Variants in CPNE4 observed in about 807,000 individuals in gnomAD.
The protein encoded by CPNE4 is copine-4.
In CPNE4, 25 loss-of-function variants were observed where a neutral mutation model predicts 67.9. The ratio of observed to expected loss-of-function variants is 0.37; its 90% CI spans 0.27 to 0.51. The LOEUF (loss-of-function observed/expected upper bound fraction) is 0.51. CPNE4 is among the 20% of genes least tolerant of loss of function. The probability of loss-of-function intolerance (pLI) is 0.93; values close to 1 mark genes in which losing one functional copy is unlikely to be tolerated. For synonymous variants in CPNE4, 242 were observed against 244.9 expected (o/e 0.99, Z 0.11); for missense variants, 464 against 690.8 (o/e 0.67, Z 3.68).
chr3:132,025,565 A>T (rs1212256376), intron 1 of CPNE4, among the ~76,000 whole-genome samples: 4 of 152,194 alleles, frequency 2.6e-5, no homozygotes, highest in Non-Finnish European at 5.9e-5. Flanking sequence ...TCATAAACAC[A>T]CTTCTAATTT....
At chr3:132,010,314 C>G (rs1184990079) in intron 1 of CPNE4, among the ~76,000 whole-genome samples, 1 of 152,164 alleles carries the variant, frequency 6.6e-6, no homozygotes, top group Admixed American at 6.5e-5. Context: ...TAACCAAGCA[C>G]TGATTATTAT....
intron 2 of CPNE4, among the ~76,000 whole-genome samples, chr3:131,878,366 A>G (rs1031169660): frequency 6.6e-6 from 1 of 152,218 alleles, no homozygotes; most frequent in Non-Finnish European, 1.5e-5. Flanking sequence ...CCAGACACTA[A>G]AGAGCACATG....
chr3:131,917,696 A>G (rs903584928), intron 1 of CPNE4, among the ~76,000 whole-genome samples: 1 of 152,194 alleles, frequency 6.6e-6, no homozygotes, highest in Admixed American at 6.5e-5. Flanking sequence ...TAGAAAAAGA[A>G]AGACACAAGA....
At chr3:131,860,284 G>C (rs1050180300) in intron 2 of CPNE4, among the ~76,000 whole-genome samples, 3 of 152,148 alleles carry the variant, frequency 2.0e-5, no homozygotes, top group African/African-American at 7.2e-5. Context: ...TAAGTGGCAA[G>C]GATAACATTT....
intron 12 of CPNE4, among the ~76,000 whole-genome samples, chr3:131,554,097 A>G (rs776481164): frequency 6.6e-6 from 1 of 152,090 alleles, no homozygotes; most frequent in African/African-American, 2.4e-5. Context: ...TGTTGGGCCA[A>G]CCTGAGGCTG....
At chr3:131,900,652 G>A (rs566124339) in intron 2 of CPNE4, among the ~76,000 whole-genome samples, 8 of 152,210 alleles carry the variant, frequency 5.3e-5, no homozygotes, top group Middle Eastern at 3.4e-3. Flanking sequence ...CTCAATACAT[G>A]CTGGGGTTAA....
intron 1 of CPNE4, among the ~76,000 whole-genome samples, chr3:131,928,951 T>C (rs530606466): frequency 6.6e-6 from 1 of 152,262 alleles, no homozygotes; most frequent in East Asian, 1.9e-4. Flanking sequence ...TAGAGAGGGC[T>C]AGTCCTAGGA....
intron 1 of CPNE4, among the ~76,000 whole-genome samples, chr3:131,964,538 T>C (rs370062269): frequency 6.6e-6 from 1 of 151,830 alleles, no homozygotes; most frequent in Non-Finnish European, 1.5e-5. Flanking sequence ...AATGACCTGA[T>C]GGAGCTGAAA....
chr3:131,660,152 G>C (rs1176883096), intron 7 of CPNE4, among the ~76,000 whole-genome samples: 1 of 152,124 alleles, frequency 6.6e-6, no homozygotes, highest in African/African-American at 2.4e-5. Flanking sequence ...AGTTTATATG[G>C]TTTCTTGGAA....
chr3:131,803,810 C>T (rs751184221), intron 2 of CPNE4, among the ~76,000 whole-genome samples: 14 of 151,358 alleles, frequency 9.2e-5, no homozygotes, highest in Middle Eastern at 3.4e-3. Flanking sequence ...AAATTACGTA[C>T]CTCTAATTGC....
chr3:131,848,956 C>CAAAAAAAAAAAAAAAAAAAAAAAAA (rs67407668), intron 2 of CPNE4, among the ~76,000 whole-genome samples: 6 of 79,632 alleles, frequency 7.5e-5, no homozygotes, highest in African/African-American at 4.1e-4. Context: ...GTAGTGATTA[C>CAAAAAAAAAAAAAAAAAAAAAAAAA]AAAAAAAAAA....
At chr3:131,846,313 C>T (rs67078110) in intron 2 of CPNE4, among the ~76,000 whole-genome samples, 32,956 of 152,094 alleles carry the variant, frequency 0.22, 3,868 homozygotes, top group Admixed American at 0.33. Context: ...CCTCTGGAAT[C>T]GCTGGTATCT....
intron 1 of CPNE4, among the ~76,000 whole-genome samples, chr3:131,957,600 C>A (rs1245667606): frequency 6.6e-6 from 1 of 152,226 alleles, no homozygotes; most frequent in Non-Finnish European, 1.5e-5. Context: ...ACAATCCACA[C>A]TGGGTGGCAA....
intron 2 of CPNE4, among the ~76,000 whole-genome samples, chr3:131,806,194 A>G (rs1360694910): frequency 6.6e-6 from 1 of 152,244 alleles, no homozygotes; most frequent in Non-Finnish European, 1.5e-5. Flanking sequence ...ATCCTTCCTC[A>G]TACAACTAAA....
At chr3:131,902,864 GA>G (rs2088604951) in intron 2 of CPNE4, among the ~76,000 whole-genome samples, 2 of 151,858 alleles carry the variant, frequency 1.3e-5, no homozygotes, top group Non-Finnish European at 2.9e-5. Flanking sequence ...AGAATATTTA[GA>G]AGGGAAAAAA....
chr3:131,947,943 G>A (rs1002037730), intron 1 of CPNE4, among the ~76,000 whole-genome samples: 3 of 152,136 alleles, frequency 2.0e-5, no homozygotes, highest in Non-Finnish European at 4.4e-5. Context: ...ATCTTTTATA[G>A]AATTGCATTG....
At chr3:131,719,885 A>G (rs1336244456) in intron 3 of CPNE4, among the ~76,000 whole-genome samples, 1 of 152,198 alleles carries the variant, frequency 6.6e-6, no homozygotes, top group African/African-American at 2.4e-5. Flanking sequence ...AAAAATCCAC[A>G]TGTCTTACTG....
chr3:132,003,644 C>T (rs1366018711), intron 1 of CPNE4, among the ~76,000 whole-genome samples: 2 of 152,030 alleles, frequency 1.3e-5, no homozygotes, highest in Non-Finnish European at 2.9e-5. Flanking sequence ...GGAGTAAGAC[C>T]TCAACAAGCA....
chr3:131,712,079 G>T (rs1341622749), intron 3 of CPNE4, among the ~76,000 whole-genome samples: 1 of 152,128 alleles, frequency 6.6e-6, no homozygotes, highest in African/African-American at 2.4e-5. Context: ...TCCCAAATTA[G>T]AATTCTTTAC....
Sources: allele counts gnomAD v4.1 joint callset (sites outside exome capture counted in the v4.1 genomes callset), GRCh38; gene constraint gnomAD v4.1.1; transcripts MANE v1.5; gene names NCBI Gene and HGNC (gene_info 2026-07-23, HGNC 2026-07-21).